The following CHM variants were observed in gnomAD, a reference collection of about 807,000 sequenced individuals.
CHM encodes rab proteins geranylgeranyltransferase component A 1.
A neutral mutation model predicts 49.0 loss-of-function variants in CHM; 10 were observed. That is an observed-to-expected ratio of 0.20 (90% CI 0.13 to 0.35). The LOEUF is 0.35. Ranked by LOEUF, CHM falls within the 10% of genes least tolerant of loss-of-function variation. The pLI is 1.00. For missense variants in CHM, 455 were observed against 478.4 expected (o/e 0.95, Z 0.46); for synonymous variants, 184 against 167.5 (o/e 1.10, Z -0.76).
At chrX:86,006,872 C>T (rs1372335281) in intron 2 of CHM, among the ~76,000 whole-genome samples, 17 of 111,818 alleles carry the variant, frequency 1.5e-4, no homozygotes, top group Admixed American at 9.5e-5. Flanking sequence ...CCCCATCAAG[C>T]TACCAATGAC....
chrX:85,876,122 T>C (rs1325914014), intron 13 of CHM, among the ~76,000 whole-genome samples: 1 of 111,571 alleles, frequency 9.0e-6, no homozygotes, highest in Non-Finnish European at 1.9e-5. Flanking sequence ...TGAAAAGATG[T>C]TGAACATCAC....
chrX:85,902,597 CTCA>C (rs775517278), intron 9 of CHM, among the ~76,000 whole-genome samples: 57 of 111,484 alleles, frequency 5.1e-4, no homozygotes, highest in African/African-American at 1.5e-3. Flanking sequence ...TACATACCTC[CTCA>C]TATTTCATTG....
chrX:85,938,121 C>T (rs1928893390), intron 8 of CHM, among the ~76,000 whole-genome samples: 1 of 111,623 alleles, frequency 9.0e-6, no homozygotes. Flanking sequence ...CTGTGAATAA[C>T]CTGGAAAAAA....
chrX:85,920,786 A>G (rs1397146602), intron 8 of CHM, among the ~76,000 whole-genome samples: 1 of 112,089 alleles, frequency 8.9e-6, no homozygotes, highest in Non-Finnish European at 1.9e-5. Flanking sequence ...TCTGTTAACC[A>G]TCATACCAAC....
intron 2 of CHM, among the ~76,000 whole-genome samples, chrX:86,008,471 T>C (rs1447145506): frequency 9.0e-6 from 1 of 111,637 alleles, no homozygotes; most frequent in Non-Finnish European, 1.9e-5. Flanking sequence ...GCAGTATGCT[T>C]TTTATTGTTG....
intron 3 of CHM, among the ~76,000 whole-genome samples, chrX:85,980,795 T>C (rs1391914542): frequency 9.0e-6 from 1 of 111,103 alleles, no homozygotes; most frequent in East Asian, 2.8e-4. Context: ...CTCCATATTA[T>C]GCTATACGTG....
At chrX:85,945,835 T>C (rs1929376161) in intron 8 of CHM, among the ~76,000 whole-genome samples, 1 of 111,636 alleles carries the variant, frequency 9.0e-6, no homozygotes, top group Admixed American at 9.5e-5. Context: ...ACAGGATAAA[T>C]GGCTCTGATC....
chrX:85,892,625 T>C (rs1217215784), intron 12 of CHM, among the ~76,000 whole-genome samples: 1 of 111,382 alleles, frequency 9.0e-6, no homozygotes, highest in African/African-American at 3.3e-5. Context: ...GGTAGGTTTT[T>C]ACTAACAGCA....
At chrX:86,041,325 T>C (rs1012394316) in intron 1 of CHM, among the ~76,000 whole-genome samples, 3 of 111,298 alleles carry the variant, frequency 2.7e-5, no homozygotes, top group African/African-American at 9.8e-5. Context: ...TTTACTTTTC[T>C]AGGTATTGGA....
intron 12 of CHM, among the ~76,000 whole-genome samples, chrX:85,882,388 G>A (rs775565756): frequency 5.4e-5 from 6 of 111,162 alleles, no homozygotes; most frequent in Non-Finnish European, 7.6e-5. Flanking sequence ...CGTTTCATTA[G>A]TACCAATTGA....
At chrX:85,883,479 T>G (rs1924885585) in intron 12 of CHM, among the ~76,000 whole-genome samples, 1 of 111,381 alleles carries the variant, frequency 9.0e-6, no homozygotes, top group Non-Finnish European at 1.9e-5. Context: ...ATTTAATTTT[T>G]TAATTCAACT....
At chrX:85,917,225 T>A (rs1927509523) in intron 8 of CHM, among the ~76,000 whole-genome samples, 2 of 111,155 alleles carry the variant, frequency 1.8e-5, no homozygotes, top group Non-Finnish European at 3.8e-5. Context: ...TTGTCACTTA[T>A]AAGTGGGAGC....
intron 4 of CHM, among the ~76,000 whole-genome samples, chrX:85,977,210 T>C (rs62608942): frequency 0.17 from 19,157 of 111,636 alleles, 1,565 homozygotes; most frequent in Non-Finnish European, 0.25. Context: ...TCTCAAGGCT[T>C]TTCCTGCTTA....
chrX:85,969,349 T>C (rs1930759720), intron 4 of CHM: 1 of 742,055 alleles, frequency 1.3e-6, no homozygotes, highest in African/African-American at 2.3e-5. Context: ...TAAGAATAAC[T>C]TGAGTTTGTG....
At chrX:85,991,177 T>C (rs1932168749) in intron 2 of CHM, among the ~76,000 whole-genome samples, 1 of 111,773 alleles carries the variant, frequency 8.9e-6, no homozygotes, top group South Asian at 3.7e-4. Flanking sequence ...TGACAGCAGT[T>C]TTAATTTCCC....
chrX:85,917,804 GAA>G (rs201880012), intron 8 of CHM, among the ~76,000 whole-genome samples: 106 of 100,251 alleles, frequency 1.1e-3, no homozygotes, highest in Admixed American at 4.6e-3. Context: ...CAATCTGAGG[GAA>G]AAAAAAAAAA....
In CHM at chrX:85,983,536, C is replaced by T. The variant is rs73506456; in HGVS notation, c.117-1727G>A. Among the ~76,000 whole-genome samples, 967 of 111,128 alleles carry T rather than the reference C, an allele frequency of 8.7e-3. 10 individuals carry two copies. Among genetic ancestry groups the T allele is most frequent in the African/African-American group, 0.03 (909 of 30,571 alleles). On this transcript the variant is annotated intron_variant, in intron 2 of 14. Transcript: ENST00000357749. ...CTTCCCATCCTCCAAATATAATACTCAACAAAACTAGAAAATATCCTAGGT... is the reference window on the plus strand; with the variant it reads ...CTTCCCATCCTCCAAATATAATACTTAACAAAACTAGAAAATATCCTAGGT...
intron 12 of CHM, among the ~76,000 whole-genome samples, chrX:85,885,342 T>C (rs1048936160): frequency 9.1e-6 from 1 of 109,887 alleles, no homozygotes; most frequent in African/African-American, 3.3e-5. Flanking sequence ...TAGATTGTTA[T>C]GGCTAATGAA....
intron 8 of CHM, among the ~76,000 whole-genome samples, chrX:85,934,851 G>C (rs1034083580): frequency 1.8e-5 from 2 of 111,253 alleles, no homozygotes; most frequent in Non-Finnish European, 3.8e-5. Flanking sequence ...ATACCTTCTT[G>C]TTCATGGTAT....
Sources: allele counts gnomAD v4.1 joint callset (sites outside exome capture counted in the v4.1 genomes callset), GRCh38; gene constraint gnomAD v4.1.1; transcripts MANE v1.5; gene names NCBI Gene and HGNC (gene_info 2026-07-23, HGNC 2026-07-21).